ALK: variants seen among roughly 807,000 people sequenced by gnomAD.
ALK encodes the protein ALK tyrosine kinase receptor.
A neutral mutation model predicts 163.1 loss-of-function variants in ALK; 74 were observed. The observed-to-expected ratio is 0.45, with a 90% CI of 0.38 to 0.55. The LOEUF (loss-of-function observed/expected upper bound fraction) is 0.55, where lower values mean the gene tolerates loss of function less well. Ranked by LOEUF, ALK falls within the 20% of genes least tolerant of loss-of-function variation. The pLI, the probability that ALK is intolerant of heterozygous loss-of-function variation, is 0.00. For synonymous variants in ALK, 960 were observed against 843.2 expected, an observed-to-expected ratio of 1.14 and a Z score of -2.40; for missense variants, 2,063 against 2,105.3, an observed-to-expected ratio of 0.98 and a Z score of 0.39.
chr2:29,422,732 T>C (rs1670046386), intron 4 of ALK, among the ~76,000 whole-genome samples: 1 of 152,216 alleles, frequency 6.6e-6, no homozygotes, highest in Admixed American at 6.5e-5. Flanking sequence ...ATGAGAGTCC[T>C]CATCTAAAGA....
At chr2:29,616,351 A>G (rs957129053) in intron 3 of ALK, among the ~76,000 whole-genome samples, 21 of 152,220 alleles carry the variant, frequency 1.4e-4, no homozygotes, top group Admixed American at 3.3e-4. Flanking sequence ...GGGCAGAGCC[A>G]CCAGACGTGT....
chr2:29,680,447 C>G (rs1678029908), intron 3 of ALK, among the ~76,000 whole-genome samples: 1 of 152,044 alleles, frequency 6.6e-6, no homozygotes, highest in Admixed American at 6.6e-5. Context: ...CTTCTGCCTT[C>G]TTAAATCTGC....
At chr2:29,507,987 A>G (rs1409353528) in intron 4 of ALK, among the ~76,000 whole-genome samples, 1 of 152,172 alleles carries the variant, frequency 6.6e-6, no homozygotes. Context: ...GGACATTTCA[A>G]AATCCTATTC....
chr2:29,743,205 G>A (rs1472579145), intron 1 of ALK, among the ~76,000 whole-genome samples: 1 of 152,220 alleles, frequency 6.6e-6, no homozygotes, highest in Non-Finnish European at 1.5e-5. Context: ...TAAGCTAGCT[G>A]AGATTTCTAA....
At chr2:29,563,059 A>G (rs1192698794) in intron 3 of ALK, among the ~76,000 whole-genome samples, 1 of 152,152 alleles carries the variant, frequency 6.6e-6, no homozygotes, top group Admixed American at 6.5e-5. Context: ...CCCAAAGAGG[A>G]GGGGCTATGC....
intron 2 of ALK, among the ~76,000 whole-genome samples, chr2:29,699,805 C>A (rs941128759): frequency 6.6e-6 from 1 of 152,190 alleles, no homozygotes; most frequent in Non-Finnish European, 1.5e-5. Flanking sequence ...TTGTCACTTA[C>A]TTTCTTGTTA....
intron 3 of ALK, among the ~76,000 whole-genome samples, chr2:29,693,032 G>T (rs1291286424): frequency 2.0e-5 from 3 of 152,136 alleles, no homozygotes; most frequent in African/African-American, 7.2e-5. Context: ...TGTATACATA[G>T]GTGGTATAGC....
intron 24 of ALK, among the ~76,000 whole-genome samples, chr2:29,213,286 C>T (rs2148158467): frequency 6.6e-6 from 1 of 152,290 alleles, no homozygotes. Flanking sequence ...CCAGTCTATA[C>T]AGCTTTTAAA....
intron 3 of ALK, among the ~76,000 whole-genome samples, chr2:29,638,388 G>A (rs996977439): frequency 6.6e-6 from 1 of 152,130 alleles, no homozygotes; most frequent in Non-Finnish European, 1.5e-5. Context: ...ACAAGGCTGT[G>A]GATGAAAGCT....
intron 4 of ALK, among the ~76,000 whole-genome samples, chr2:29,386,588 G>A (rs1413714358): frequency 6.6e-6 from 1 of 152,190 alleles, no homozygotes; most frequent in African/African-American, 2.4e-5. Context: ...GAGAAATGAT[G>A]GATTTTAATT....
rs2148143719 is a variant in ALK at position 29,197,693 on chromosome 2, G to A, written c.3939-17C>T. Reference sequence around the variant, plus strand: ...CCAAAGGACCTGGGCATGGGACAGAGGACATGGAGATGGATATAGACACAC... The same window carrying A: ...CCAAAGGACCTGGGCATGGGACAGAAGACATGGAGATGGATATAGACACAC... On this transcript the variant is annotated splice_polypyrimidine_tract_variant and intron_variant, in intron 26 of 28. Transcript: ENST00000389048. The A allele has an allele frequency of 6.2e-7, 1 of 1,609,436 alleles. No homozygotes were observed. The highest frequency in any genetic ancestry group is 2.2e-5 in the East Asian group (1 of 44,834).
chr2:29,607,067 C>G (rs1458278873), intron 3 of ALK, among the ~76,000 whole-genome samples: 1 of 152,170 alleles, frequency 6.6e-6, no homozygotes, highest in Admixed American at 6.5e-5. Flanking sequence ...AGTGAAACAC[C>G]AATCTTGTTG....
intron 8 of ALK, among the ~76,000 whole-genome samples, chr2:29,308,872 A>G (rs113203659): frequency 7.2e-5 from 11 of 152,170 alleles, no homozygotes; most frequent in African/African-American, 2.7e-4. Flanking sequence ...CGACAGGGTG[A>G]AAATGCTGTG....
Position 29,921,151 on chromosome 2 carries a change from G to A in ALK, c.-492C>T, listed in dbSNP as rs989149660. ...GCACGCTGTCCTGGCCGCCTTTTGC[G>A]TTCCTTTTGGCTCCTCCAAGCTCTT... is the stretch of plus-strand genomic sequence containing the variant. On this transcript the variant is annotated 5_prime_UTR_variant, in exon 1 of 29. The change creates a new upstream start codon in the 5' untranslated region. Coordinates refer to ENST00000389048, the MANE Select transcript of ALK (RefSeq NM_004304.5). 8.4e-6 allele frequency: 2 copies of A among 237,426 alleles called. No homozygotes were observed. The highest frequency in any genetic ancestry group is 2.2e-5 in the African/African-American group (1 of 45,448). The allele number at this position is 237,426 out of a possible 1,614,324, so 14.7% of individuals were successfully genotyped here. A position where few individuals can be genotyped will look rare whatever the true frequency, so the allele number is the denominator to read the frequency against.
At chr2:29,333,114 T>C (rs1167456020) in intron 5 of ALK, among the ~76,000 whole-genome samples, 1 of 144,110 alleles carries the variant, frequency 6.9e-6, no homozygotes, top group Non-Finnish European at 1.5e-5. Context: ...TTGGGTTTTT[T>C]TGTTTTTTTG....
chr2:29,634,228 G>A lies in ALK; in HGVS notation c.952+60622C>T, dbSNP rs578221802. 6.7e-4 allele frequency among the ~76,000 whole-genome samples: 102 copies of A among 152,054 alleles called. 1 individual carries two copies. In the Middle Eastern group the frequency reaches 0.031, roughly 46 times the overall value. Reference sequence around the variant, plus strand: ...TTCTCCTGCCTCACCCTCTCGAATAGCTAGGATTAGTGACACACTGCGGTG... The same window carrying A: ...TTCTCCTGCCTCACCCTCTCGAATAACTAGGATTAGTGACACACTGCGGTG... On this transcript the variant is annotated intron_variant, in intron 3 of 28. Transcript: ENST00000389048.
At chr2:29,457,391 T>G (rs1670982012) in intron 4 of ALK, among the ~76,000 whole-genome samples, 1 of 152,142 alleles carries the variant, frequency 6.6e-6, no homozygotes, top group South Asian at 2.1e-4. Context: ...CAGCTGCTGC[T>G]GGGAAATGGG....
chr2:29,539,299 C>G (rs1673350051), intron 3 of ALK, among the ~76,000 whole-genome samples: 1 of 152,162 alleles, frequency 6.6e-6, no homozygotes, highest in African/African-American at 2.4e-5. Context: ...AATGAATTCT[C>G]TCTCTTGCAT....
chr2:29,782,492 C>A lies in ALK; in HGVS notation c.668-64795G>T, dbSNP rs191042382. Among the ~76,000 whole-genome samples, 66 of 152,260 alleles carry A rather than the reference C, an allele frequency of 4.3e-4. 1 individual carries two copies. Among genetic ancestry groups the A allele is most frequent in the African/African-American group, 1.5e-3 (63 of 41,552 alleles). ...CACCCATTCACCACCATCACTAGCCCCTCGCGGCCTTCCCTCTCCTGTGCC... is the reference window on the plus strand; with the variant it reads ...CACCCATTCACCACCATCACTAGCCACTCGCGGCCTTCCCTCTCCTGTGCC... On this transcript the variant is annotated intron_variant, in intron 1 of 28. Transcript: ENST00000389048.
Sources: allele counts gnomAD v4.1 joint callset (sites outside exome capture counted in the v4.1 genomes callset), GRCh38; gene constraint gnomAD v4.1.1; transcripts MANE v1.5; gene names NCBI Gene and HGNC (gene_info 2026-07-23, HGNC 2026-07-21).